The following FAH variants were observed in gnomAD, a reference collection of about 807,000 sequenced individuals.
FAH encodes fumarylacetoacetate hydrolase.
In FAH, 47 loss-of-function variants were observed where a neutral mutation model predicts 55.8. The ratio of observed to expected loss-of-function variants is 0.84; its 90% CI spans 0.67 to 1.07. The LOEUF (loss-of-function observed/expected upper bound fraction) is 1.07, where lower values mean the gene tolerates loss of function less well. FAH is among the 50% of genes least tolerant of loss of function. The pLI, the probability that FAH is intolerant of heterozygous loss-of-function variation, is 0.00. For missense variants in FAH, 495 were observed against 545.9 expected (o/e 0.91, Z 0.93); for synonymous variants, 199 against 207.7 (o/e 0.96, Z 0.36).
chr15:80,169,755 G>C (rs530742939), intron 7 of FAH, among the ~76,000 whole-genome samples: 2 of 152,186 alleles, frequency 1.3e-5, no homozygotes, highest in East Asian at 3.9e-4. Flanking sequence ...GGATGGTCTC[G>C]ATCTCCTGAC....
chr15:80,172,063 G>A, intron 7 of FAH, 86 bp from the exon 8 acceptor site: 2 of 981,614 alleles, frequency 2.0e-6, no homozygotes, highest in Non-Finnish European at 3.3e-6. Context: ...CTGGAGTTTG[G>A]AAATACCTGA....
In FAH at chr15:80,153,171, G is replaced by GGGAGTGGAGTGGAGTGGAGTGGAGT. The variant is rs57837512; in HGVS notation, c.81+55_81+79dup. Reference sequence around the variant, plus strand: ...GGGCTTTGGCGTCCGGGCGCGGGGAGGGAGTGGAGTGGAGTGGAGTGGAGT... The same window carrying GGGAGTGGAGTGGAGTGGAGTGGAGT: ...GGGCTTTGGCGTCCGGGCGCGGGGAGGGAGTGGAGTGGAGTGGAGTGGAGTGGAGTGGAGTGGAGTGGAGTGGAGT... On this transcript the variant is annotated intron_variant, in intron 1 of 13. Coordinates refer to ENST00000561421, the MANE Select transcript of FAH (RefSeq NM_000137.4). 6.5e-3 allele frequency: 8,111 copies of GGGAGTGGAGTGGAGTGGAGTGGAGT among 1,249,746 alleles called. 116 individuals are homozygous for GGGAGTGGAGTGGAGTGGAGTGGAGT. Among genetic ancestry groups the GGGAGTGGAGTGGAGTGGAGTGGAGT allele is most frequent in the African/African-American group, 0.016 (902 of 58,136 alleles). The allele number at this position is 1,249,746 out of a possible 1,614,324, so 77.4% of individuals were successfully genotyped here. A position where few individuals can be genotyped will look rare whatever the true frequency, so the allele number is the denominator to read the frequency against.
chr15:80,167,315 C>CT, intron 5 of FAH: 1 of 152,684 alleles, frequency 6.5e-6, no homozygotes, highest in Non-Finnish European at 1.5e-5. Flanking sequence ...CTTCTGGGGG[C>CT]TGCAGGCGTT....
At chr15:80,186,068 T>G in intron 13 of FAH, 62 bp from the exon 14 acceptor site, 1 of 1,361,678 alleles carries the variant, frequency 7.3e-7, no homozygotes, top group Non-Finnish European at 1.1e-6. Context: ...TGCCGCTGCC[T>G]AGGTGTTGGT....
At chr15:80,162,752 T>G in intron 5 of FAH, 1 of 281,752 alleles carries the variant, frequency 3.5e-6, no homozygotes, top group Non-Finnish European at 7.0e-6. Context: ...TCGGTTTCAT[T>G]CATTTGTTTG....
intron 1 of FAH, among the ~76,000 whole-genome samples, chr15:80,153,502 A>G (rs2041072088): frequency 6.6e-6 from 1 of 152,186 alleles, no homozygotes; most frequent in Non-Finnish European, 1.5e-5. Context: ...CTCTCGCCCA[A>G]GAGGCCAGGT....
chr15:80,171,228 A>G (rs925144586), intron 7 of FAH, among the ~76,000 whole-genome samples: 4 of 151,952 alleles, frequency 2.6e-5, no homozygotes, highest in Middle Eastern at 3.2e-3. Flanking sequence ...ATATCTCCTA[A>G]TGCTATCCCT....
intron 11 of FAH, 44 bp from the exon 12 acceptor site, chr15:80,180,080 T>C (rs765751232): frequency 9.5e-6 from 14 of 1,477,730 alleles, no homozygotes; most frequent in Non-Finnish European, 1.1e-5. Context: ...GATGCTAGGC[T>C]AAGCCTGCCG....
At chr15:80,181,612 A>G (rs141599516) in intron 13 of FAH, among the ~76,000 whole-genome samples, 1 of 152,222 alleles carries the variant, frequency 6.6e-6, no homozygotes, top group Admixed American at 6.5e-5. Flanking sequence ...AATAGAGGGA[A>G]AGGGCACCAT....
At chr15:80,181,775 T>C (rs898288186) in intron 13 of FAH, among the ~76,000 whole-genome samples, 16 of 152,186 alleles carry the variant, frequency 1.1e-4, no homozygotes, top group African/African-American at 3.9e-4. Flanking sequence ...AGTCGGAGTC[T>C]TGCTCTCTCA....
intron 7 of FAH, among the ~76,000 whole-genome samples, chr15:80,169,314 C>T (rs758779576): frequency 3.3e-5 from 5 of 151,864 alleles, no homozygotes; most frequent in African/African-American, 9.7e-5. Flanking sequence ...ACTGAGGAGG[C>T]GGAGGTTGCA....
At position 80,168,037 on chromosome 15, in the gene FAH, G is replaced by T. The variant is rs1217004542; in HGVS notation, c.456-15G>T. On this transcript the variant is annotated splice_polypyrimidine_tract_variant and intron_variant, in intron 5 of 13. Transcript: ENST00000561421. Reference sequence around the variant, plus strand: ...CAGCTCTGATGCCCTGCATTCTCTTGCCTTCCTTTCTCAGGCTGCACTTAC... The same window carrying T: ...CAGCTCTGATGCCCTGCATTCTCTTTCCTTCCTTTCTCAGGCTGCACTTAC... The T allele has an allele frequency of 6.2e-7, 1 of 1,608,444 alleles. No individual in the cohort carries two copies. Among genetic ancestry groups the T allele is most frequent in the African/African-American group, 1.3e-5 (1 of 74,778 alleles).
rs2041109319 is a variant in FAH at position 80,157,520 on chromosome 15, G to T, written c.82-540G>T. 9 of 182,088 alleles carry T rather than the reference G, an allele frequency of 4.9e-5. No homozygotes were observed. The South Asian group carries it at 1.1e-3, about 21-fold the overall frequency. 11.3% of individuals were successfully genotyped at this position (182,088 alleles called of 1,614,324 possible). A position where few individuals can be genotyped will look rare whatever the true frequency, so the allele number is the denominator to read the frequency against. On this transcript the variant is annotated intron_variant, in intron 1 of 13. Coordinates refer to ENST00000561421, the MANE Select transcript of FAH (RefSeq NM_000137.4). Reference sequence around the variant, plus strand: ...GAAAGGAACTTGCCTTGCATGTTCTGAGCAGTCTGGCTTCCTGCAGCTCCC... The same window carrying T: ...GAAAGGAACTTGCCTTGCATGTTCTTAGCAGTCTGGCTTCCTGCAGCTCCC...
intron 8 of FAH, 46 bp downstream of exon 8, chr15:80,172,294 T>C (rs1239633558): frequency 4.3e-6 from 6 of 1,390,430 alleles, no homozygotes; most frequent in Non-Finnish European, 6.1e-6. Flanking sequence ...GGGAGGAGGC[T>C]GGGGACTTGG....
intron 9 of FAH, 82 bp downstream of exon 9, chr15:80,173,226 G>A: frequency 1.9e-6 from 3 of 1,577,220 alleles, no homozygotes; most frequent in Non-Finnish European, 2.6e-6. Context: ...GACATGCCAG[G>A]CATGCAGACC....
chr15:80,168,378 G>A, intron 7 of FAH, 62 bp downstream of exon 7: 4 of 1,569,492 alleles, frequency 2.5e-6, no homozygotes, highest in Non-Finnish European at 3.5e-6. Context: ...AGAGCCCTTT[G>A]GGATGGCTCC....
intron 12 of FAH, 90 bp downstream of exon 12, chr15:80,180,315 A>C (rs1346440573): frequency 8.7e-6 from 9 of 1,033,894 alleles, no homozygotes; most frequent in Non-Finnish European, 1.3e-5. Flanking sequence ...CCTCGAGAAG[A>C]GATTTCAGGC....
chr15:80,173,368 A>C, intron 9 of FAH: 1 of 627,030 alleles, frequency 1.6e-6, no homozygotes, highest in South Asian at 1.9e-5. Context: ...CAGTTCTTGG[A>C]GAAAACACAG....
chr15:80,185,147 C>T (rs1164722499), intron 13 of FAH, among the ~76,000 whole-genome samples: 6 of 152,152 alleles, frequency 3.9e-5, no homozygotes, highest in African/African-American at 7.2e-5. Flanking sequence ...GAGAGATAAG[C>T]GTTGTTTTTC....
Sources: gnomAD v4.1 joint callset for allele counts (sites outside exome capture counted in the v4.1 genomes callset) on GRCh38, gnomAD v4.1.1 for gene constraint, MANE v1.5 for transcripts, NCBI Gene and HGNC (gene_info 2026-07-23, HGNC 2026-07-21) for gene names.